Variants in PACS2 observed in about 807,000 individuals in gnomAD.
PACS2 encodes the protein PACS1-like protein.
Under a neutral mutation model 113.0 loss-of-function variants are expected in PACS2, and 36 were observed. That is an observed-to-expected ratio of 0.32 (90% CI 0.24 to 0.42). The LOEUF (loss-of-function observed/expected upper bound fraction) is 0.42, where lower values mean the gene tolerates loss of function less well. Ranked by LOEUF, PACS2 falls within the 10% of genes least tolerant of loss-of-function variation. The pLI, the probability that PACS2 is intolerant of heterozygous loss-of-function variation, is 1.00. For synonymous variants in PACS2, 589 were observed against 536.1 expected, an observed-to-expected ratio of 1.10 and a Z score of -1.36; for missense variants, 1,015 against 1,239.5, an observed-to-expected ratio of 0.82 and a Z score of 2.72.
At chr14:105,374,019 G>A (rs1172710464) in intron 8 of PACS2, among the ~76,000 whole-genome samples, 5 of 151,914 alleles carry the variant, frequency 3.3e-5, no homozygotes, top group East Asian at 3.9e-4. Context: ...GCCAGGCATC[G>A]TGGCGGGTGC....
At position 105,396,981 on chromosome 14, in the gene PACS2, C is replaced by G. The variant is rs1488644064; in HGVS notation, c.*2309C>G. 4 of 152,272 alleles carry G rather than the reference C, an allele frequency of 2.6e-5. No homozygotes were observed. The highest frequency in any genetic ancestry group is 9.6e-5 in the African/African-American group (4 of 41,458). The allele number at this position is 152,272 out of a possible 1,614,324, so 9.4% of individuals were successfully genotyped here. Reference sequence around the variant, plus strand: ...GCCCTCCTGCCTACCCCGTACCTCCCATCTGGCTGCACAGCTCCATCCTTA... The same window carrying G: ...GCCCTCCTGCCTACCCCGTACCTCCGATCTGGCTGCACAGCTCCATCCTTA... On this transcript the variant is annotated 3_prime_UTR_variant, in exon 25 of 25. Coordinates refer to ENST00000447393, the MANE Select transcript of PACS2 (RefSeq NM_001100913.3).
At chr14:105,362,217 G>A (rs587704082) in intron 4 of PACS2, among the ~76,000 whole-genome samples, 3 of 151,014 alleles carry the variant, frequency 2.0e-5, no homozygotes, top group Admixed American at 1.3e-4. Context: ...AGGAGATCAA[G>A]ACCATCCTGG....
At chr14:105,326,645 G>A (rs1338905957) in intron 1 of PACS2, among the ~76,000 whole-genome samples, 2 of 152,216 alleles carry the variant, frequency 1.3e-5, no homozygotes, top group Admixed American at 6.5e-5. Flanking sequence ...GAGGCCCCTC[G>A]GTCTGGCCTA....
intron 1 of PACS2, among the ~76,000 whole-genome samples, chr14:105,325,143 G>C (rs187708423): frequency 6.6e-6 from 1 of 150,668 alleles, no homozygotes; most frequent in Non-Finnish European, 1.5e-5. Context: ...TCCCAGCCCT[G>C]AGGGCACCGT....
chr14:105,337,605 A>G (rs73359035), intron 1 of PACS2, among the ~76,000 whole-genome samples: 11,357 of 152,252 alleles, frequency 0.075, 1,442 homozygotes, highest in African/African-American at 0.26. Context: ...GCCCGTGGCT[A>G]TGCCTCCCTG....
intron 1 of PACS2, among the ~76,000 whole-genome samples, chr14:105,345,478 G>T (rs1555402434): frequency 6.6e-6 from 1 of 152,218 alleles, no homozygotes; most frequent in Non-Finnish European, 1.5e-5. Flanking sequence ...AGCACTTAAT[G>T]CTATAAATTC....
At chr14:105,391,512 T>TTGCCCCCCCCCCCCCCC in intron 21 of PACS2, 119 bp from the exon 22 acceptor site, 2 of 611,322 alleles carry the variant, frequency 3.3e-6, no homozygotes, top group Non-Finnish European at 5.8e-6. Context: ...CACTGGGGAC[T>TTGCCCCCCCCCCCCCCC]CCCACCCTGC....
intron 20 of PACS2, chr14:105,390,590 G>A (rs2081322878): frequency 1.2e-5 from 2 of 167,296 alleles, no homozygotes; most frequent in African/African-American, 4.8e-5. Context: ...AGGTTGCCCA[G>A]GCAGCGGAAG....
intron 16 of PACS2, chr14:105,384,042 C>G (rs1245156180): frequency 5.2e-6 from 2 of 387,700 alleles, no homozygotes; most frequent in Non-Finnish European, 4.7e-6. Flanking sequence ...CCCGTGTGGC[C>G]CTCACGATGC....
At chr14:105,321,084 C>T (rs1482241422) in intron 1 of PACS2, among the ~76,000 whole-genome samples, 18 of 152,162 alleles carry the variant, frequency 1.2e-4, no homozygotes, top group Admixed American at 4.6e-4. Flanking sequence ...ACTTGGGAGG[C>T]GGAGGTTGCA....
At chr14:105,372,128 G>C (rs999134954) in intron 8 of PACS2, 1 of 152,302 alleles carries the variant, frequency 6.6e-6, no homozygotes, top group Admixed American at 6.5e-5. Context: ...AGGCTGCCCT[G>C]TGCCCAGGTG....
Position 105,381,014 on chromosome 14 carries a change from G to T in PACS2, c.1183G>T (p.Ala395Ser). 1.9e-6 allele frequency: 3 copies of T among 1,612,538 alleles called. No individual in the cohort carries two copies. The highest frequency in any genetic ancestry group is 2.5e-6 in the Non-Finnish European group (3 of 1,179,714). ...GCCTGAGGACAGCCCCGAGGCTGAG[G>T]CCTCCACCCTGGATGTGTTCACGGA... is the stretch of plus-strand genomic sequence containing the variant. ...GQPEDSPEAE[A>S]STLDVFTERL... Residue 395 changes from alanine to serine, a missense_variant, in exon 12 of 25, where the codon GCC becomes TCC. This residue lies in a region of PACS2 where 859 missense variants were observed against 1,056.8 expected (regional missense o/e 0.81). Coordinates refer to ENST00000447393, the MANE Select transcript of PACS2 (RefSeq NM_001100913.3).
intron 12 of PACS2, 95 bp from the exon 13 acceptor site, chr14:105,381,819 C>T (rs2081005238): frequency 1.7e-6 from 2 of 1,186,288 alleles, no homozygotes; most frequent in African/African-American, 1.5e-5. Context: ...CCTGTCCCCA[C>T]CACAATGTGT....
intron 7 of PACS2, 73 bp downstream of exon 7, chr14:105,368,612 G>T: frequency 1.8e-6 from 2 of 1,135,152 alleles, no homozygotes. Flanking sequence ...CTGGGCGTGG[G>T]GGGGACACGG....
At chr14:105,385,743 A>T (rs1306150379) in intron 19 of PACS2, 26 bp downstream of exon 19, 3 of 1,446,776 alleles carry the variant, frequency 2.1e-6, no homozygotes, top group Non-Finnish European at 2.8e-6. Context: ...TCTGCCTCCC[A>T]CCCTGTCTGT....
chr14:105,379,885 T>A, intron 10 of PACS2, 56 bp downstream of exon 10: 2 of 1,532,952 alleles, frequency 1.3e-6, no homozygotes, highest in Non-Finnish European at 1.8e-6. Flanking sequence ...TGGGCTGTGG[T>A]GTGGCCCAAA....
At chr14:105,391,522 C>A in intron 21 of PACS2, 109 bp from the exon 22 acceptor site, 1 of 636,562 alleles carries the variant, frequency 1.6e-6, no homozygotes, top group Non-Finnish European at 2.7e-6. Flanking sequence ...TCCCACCCTG[C>A]CCACCCCCAG....
intron 16 of PACS2, 80 bp downstream of exon 16, chr14:105,383,593 C>A: frequency 1.4e-6 from 2 of 1,406,502 alleles, no homozygotes; most frequent in South Asian, 2.7e-5. Flanking sequence ...TGTGGCGTGG[C>A]GTGGCGTGTT....
At chr14:105,369,952 GGT>G in intron 8 of PACS2, 52 bp downstream of exon 8, 1 of 1,503,866 alleles carries the variant, frequency 6.6e-7, no homozygotes, top group Non-Finnish European at 9.0e-7. Context: ...AACAGCACCT[GGT>G]CGGGAGGAGG....
Sources: gnomAD v4.1 joint callset for allele counts (sites outside exome capture counted in the v4.1 genomes callset) on GRCh38, gnomAD v4.1.1 for gene constraint, gnomAD v4.1.1 regional missense constraint, MANE v1.5 for transcripts, NCBI Gene and HGNC (gene_info 2026-07-23, HGNC 2026-07-21) for gene names.